Variants in NPIPB15 observed in about 807,000 individuals in gnomAD.
The protein encoded by NPIPB15 is nuclear pore complex interacting protein family member B15, also known as nuclear pore complex-interacting protein family member B15.
NPIPB15 carries 5 observed loss-of-function variants against 35.9 expected under a neutral mutation model. The observed-to-expected ratio is 0.14, with a 90% confidence interval of 0.07 to 0.29. The LOEUF (loss-of-function observed/expected upper bound fraction) is 0.29, where lower values mean the gene tolerates loss of function less well. NPIPB15 is among the 10% of genes least tolerant of loss of function. The pLI, the probability that NPIPB15 is intolerant of heterozygous loss-of-function variation, is 1.00. For missense variants in NPIPB15, 100 were observed against 506.1 expected (o/e 0.20, Z 7.70); for synonymous variants, 43 against 182.0 (o/e 0.24, Z 6.15).
At chr16:74,379,735 A>G (rs375502908) in intron 2 of NPIPB15, among the ~76,000 whole-genome samples, 1 of 152,188 alleles carries the variant, frequency 6.6e-6, no homozygotes, top group East Asian at 1.9e-4. Flanking sequence ...AACTATAGGC[A>G]CGTGCCACCA....
intron 5 of NPIPB15, among the ~76,000 whole-genome samples, chr16:74,386,284 CTTTT>C (rs1179744903): frequency 9.4e-6 from 1 of 106,516 alleles, no homozygotes; most frequent in Non-Finnish European, 1.8e-5. Context: ...CACACCCAGC[CTTTT>C]TTTTTTTTTT....
intron 5 of NPIPB15, among the ~76,000 whole-genome samples, chr16:74,386,284 CT>C (rs1179744903): frequency 0.032 from 3,427 of 105,942 alleles, 12 homozygotes; most frequent in East Asian, 0.059. Context: ...CACACCCAGC[CT>C]TTTTTTTTTT....
chr16:74,384,991 T>TTGTGTGTGTG (rs199888896), intron 3 of NPIPB15, among the ~76,000 whole-genome samples: 17 of 93,516 alleles, frequency 1.8e-4, no homozygotes, highest in South Asian at 8.4e-4. Context: ...CATGTCATTC[T>TTGTGTGTGTG]TGTGTGTGTG....
rs1206110978 is a variant in NPIPB15, at chr16:74,376,425, C to T, written c.-944C>T. ...TGGGGGTCTGTCCTGGTCACCAGAC[C>T]CCTGGGTCCTGCCCACCTGCTTGGA... On this transcript the variant is annotated 5_prime_UTR_variant, in exon 1 of 8. Transcript: ENST00000692376. 2.6e-5 allele frequency among the ~76,000 whole-genome samples: 4 copies of T among 151,004 alleles called. 1 individual carries two copies. The highest frequency in any genetic ancestry group is 9.7e-5 in the African/African-American group (4 of 41,028).
chr16:74,384,832 C>T lies in NPIPB15; in HGVS notation c.250-510C>T, dbSNP rs1457902190. 3.2e-3 allele frequency among the ~76,000 whole-genome samples: 488 copies of T among 151,852 alleles called. 4 individuals carry two copies. Among genetic ancestry groups the T allele is most frequent in the Non-Finnish European group, 3.1e-3 (208 of 67,964 alleles). ...GACTAGCTGGGATTACAGGCATGCA[C>T]CACCATGCCTGGCTAATTTTGTATT... is the stretch of plus-strand genomic sequence containing the variant. On this transcript the variant is annotated intron_variant, in intron 3 of 7. Transcript: ENST00000692376.
rs1299573064 is a variant in NPIPB15 at position 74,384,997 on chromosome 16, GT to G, written c.250-344del. Among the ~76,000 whole-genome samples, 44 of 33,496 alleles carry G rather than the reference GT, an allele frequency of 1.3e-3. 1 individual carries two copies. The highest frequency in any genetic ancestry group is 1.3e-3 in the Non-Finnish European group (25 of 19,320). The allele number at this position is 33,496 out of a possible 152,430, so 22.0% of individuals were successfully genotyped here. On this transcript the variant is annotated intron_variant, in intron 3 of 7. Transcript: ENST00000692376. ...TGCCAGCCTCATGTCATTCTTGTGT[GT>G]GTGTGTGTGTGTGTGTGTGTGTGTG...
chr16:74,378,494 T>C (rs1239689044), intron 2 of NPIPB15, among the ~76,000 whole-genome samples: 2 of 139,900 alleles, frequency 1.4e-5, no homozygotes, highest in African/African-American at 5.4e-5. Flanking sequence ...TGGCAAGATC[T>C]CGGCTCACTG....
At chr16:74,380,781 G>A (rs113493481) in intron 2 of NPIPB15, among the ~76,000 whole-genome samples, 9 of 150,510 alleles carry the variant, frequency 6.0e-5, no homozygotes, top group South Asian at 2.1e-4. Context: ...CCGAGAGCAC[G>A]CCACTGCACT....
chr16:74,376,597 T>C lies in NPIPB15; in HGVS notation c.-772T>C, dbSNP rs549744197. On this transcript the variant is annotated 5_prime_UTR_variant, in exon 1 of 8. Coordinates refer to ENST00000692376, the MANE Select transcript of NPIPB15 (RefSeq NM_001306094.2). ...GGTCAATGATGAAGGTCAACTTGGT[T>C]TTCTCCCCCTCATTTGGGTTCAGAA... is the stretch of plus-strand genomic sequence containing the variant. Among the ~76,000 whole-genome samples, 263 of 151,940 alleles carry C rather than the reference T, an allele frequency of 1.7e-3. No individual in the cohort carries two copies. The highest frequency in any genetic ancestry group is 6.0e-3 in the African/African-American group (247 of 41,450).
At chr16:74,391,050 G>A (rs1185475218) in intron 7 of NPIPB15, 1 of 875,816 alleles carries the variant, frequency 1.1e-6, no homozygotes, top group African/African-American at 1.8e-5. Flanking sequence ...GAGGAATGAG[G>A]ATAGACATAG....
chr16:74,376,681 T>A lies in NPIPB15; in HGVS notation c.-688T>A, dbSNP rs1447302637. ...TATAGATAAGGACATCATCACTCGG[T>A]TTCAGATGTTAAAATGTCTAGGTGG... On this transcript the variant is annotated 5_prime_UTR_variant, in exon 1 of 8. Transcript: ENST00000692376. Among the ~76,000 whole-genome samples the A allele has an allele frequency of 1.2e-4, 19 of 152,252 alleles. No individual in the cohort carries two copies. Among genetic ancestry groups the A allele is most frequent in the African/African-American group, 4.6e-4 (19 of 41,562 alleles).
rs1233192070 is a variant in NPIPB15, at chr16:74,379,858, G to A, written c.67-1658G>A. Among the ~76,000 whole-genome samples, 14 of 152,186 alleles carry A rather than the reference G, an allele frequency of 9.2e-5. No homozygotes were observed. The East Asian group carries it at 2.7e-3, about 30-fold the overall frequency. On this transcript the variant is annotated intron_variant, in intron 2 of 7. Coordinates refer to ENST00000692376, the MANE Select transcript of NPIPB15 (RefSeq NM_001306094.2). ...CCACCTCGGCTTCCCAAAGTGCTGG[G>A]ATTGCAGGCGTGAGCCACCACACCC...
chr16:74,378,656 C>G (rs2011813484), intron 2 of NPIPB15, among the ~76,000 whole-genome samples: 1 of 150,564 alleles, frequency 6.6e-6, no homozygotes, highest in African/African-American at 2.4e-5. Context: ...TCGTGATCCG[C>G]CTGCCTCGGC....
In NPIPB15 at chr16:74,378,303, G is replaced by C. The variant is rs543165693; in HGVS notation, c.66+264G>C. Among the ~76,000 whole-genome samples, 758 of 151,122 alleles carry C rather than the reference G, an allele frequency of 5.0e-3. 5 individuals are homozygous for C. Among genetic ancestry groups the C allele is most frequent in the Middle Eastern group, 0.01 (3 of 292 alleles). On this transcript the variant is annotated intron_variant, in intron 2 of 7. Transcript: ENST00000692376. ...GAGGCTGAGGTGGGAGGATCGCTTGGGCCCAGGAGCTGGACGTTGCAGTGA... is the reference window on the plus strand; with the variant it reads ...GAGGCTGAGGTGGGAGGATCGCTTGCGCCCAGGAGCTGGACGTTGCAGTGA...
intron 3 of NPIPB15, among the ~76,000 whole-genome samples, chr16:74,384,739 T>C (rs1300186956): frequency 7.5e-6 from 1 of 132,710 alleles, no homozygotes; most frequent in Non-Finnish European, 1.5e-5. Context: ...TGGAGTGCAA[T>C]GGCACAATCT....
Position 74,377,355 on chromosome 16 carries a change from A to G in NPIPB15, c.-23+9A>G, listed in dbSNP as rs2011712431. 6.6e-6 allele frequency among the ~76,000 whole-genome samples: 1 copy of G among 152,022 alleles called. No homozygotes were observed. The highest frequency in any genetic ancestry group is 6.6e-5 in the Admixed American group (1 of 15,230). On this transcript the variant is annotated intron_variant, in intron 1 of 7. Coordinates refer to ENST00000692376, the MANE Select transcript of NPIPB15 (RefSeq NM_001306094.2). Reference sequence around the variant, plus strand: ...GGAGGACCAGAAATCAGGTTTGTGAAGGTTCCAGAGAGGACCTGTCCTTGC... The same window carrying G: ...GGAGGACCAGAAATCAGGTTTGTGAGGGTTCCAGAGAGGACCTGTCCTTGC...
chr16:74,377,431 C>T (rs1187622621), intron 1 of NPIPB15, among the ~76,000 whole-genome samples, 85 bp downstream of exon 1: 20 of 151,730 alleles, frequency 1.3e-4, no homozygotes, highest in Non-Finnish European at 2.1e-4. Context: ...ATGATGCGGG[C>T]GCTACTTGGC....
rs2011670727 is a variant in NPIPB15 at position 74,376,484 on chromosome 16, C to T, written c.-885C>T. On this transcript the variant is annotated 5_prime_UTR_variant, in exon 1 of 8. Coordinates refer to ENST00000692376, the MANE Select transcript of NPIPB15 (RefSeq NM_001306094.2). ...CCCATCACACATGATGCTGCCAAGC[C>T]CTCTGGGTATTGTGGGCAAATACCT... 6.7e-6 allele frequency among the ~76,000 whole-genome samples: 1 copy of T among 149,486 alleles called. No individual in the cohort carries two copies. Among genetic ancestry groups the T allele is most frequent in the Non-Finnish European group, 1.5e-5 (1 of 67,526 alleles).
chr16:74,377,781 T>G (rs1166040639), intron 1 of NPIPB15, 171 bp from the exon 2 acceptor site: 1 of 16,270 alleles, frequency 6.1e-5, no homozygotes, highest in African/African-American at 3.5e-4. Context: ...TTCCCTTACT[T>G]CCCCCCTTCC....
Sources: allele counts gnomAD v4.1 joint callset (sites outside exome capture counted in the v4.1 genomes callset), GRCh38; gene constraint gnomAD v4.1.1; transcripts MANE v1.5; gene names NCBI Gene and HGNC (gene_info 2026-07-23, HGNC 2026-07-21).